CCSER1: variants seen among roughly 807,000 people sequenced by gnomAD.
CCSER1 encodes the protein serine-rich coiled-coil domain-containing protein 1.
Under a neutral mutation model 82.0 loss-of-function variants are expected in CCSER1, and 41 were observed. That is an observed-to-expected ratio of 0.50 (90% CI 0.39 to 0.65). The LOEUF is 0.65. Ranked by LOEUF, CCSER1 falls within the 30% of genes least tolerant of loss-of-function variation. The pLI is 0.00. For synonymous variants in CCSER1, 414 were observed against 383.9 expected (o/e 1.08, Z -0.92); for missense variants, 1,119 against 1,064.2 (o/e 1.05, Z -0.72).
intron 10 of CCSER1, among the ~76,000 whole-genome samples, chr4:91,213,731 A>G (rs1737020647): frequency 6.6e-6 from 1 of 152,316 alleles, no homozygotes; most frequent in Admixed American, 6.5e-5. Context: ...CATTGTAGCA[A>G]TAGACACGGG....
intron 8 of CCSER1, among the ~76,000 whole-genome samples, chr4:90,907,918 C>G (rs1204764750): frequency 6.6e-6 from 1 of 152,078 alleles, no homozygotes; most frequent in Admixed American, 6.6e-5. Context: ...GCAAATGTGT[C>G]TGCAAATGTC....
intron 10 of CCSER1, among the ~76,000 whole-genome samples, chr4:91,502,621 G>C (rs1759270758): frequency 6.6e-6 from 1 of 152,154 alleles, no homozygotes; most frequent in Admixed American, 6.5e-5. Flanking sequence ...GGTCTCATTT[G>C]CCAATTATTC....
chr4:90,218,414 A>T (rs1244014170), intron 1 of CCSER1, among the ~76,000 whole-genome samples: 6 of 152,190 alleles, frequency 3.9e-5, no homozygotes, highest in Non-Finnish European at 8.8e-5. Context: ...CCAGCATCAC[A>T]CGGTGTTTAC....
chr4:90,831,474 CA>C (rs1469665343), intron 8 of CCSER1, among the ~76,000 whole-genome samples: 1 of 152,082 alleles, frequency 6.6e-6, no homozygotes, highest in African/African-American at 2.4e-5. Context: ...TTTGTTTTAG[CA>C]AACATTGATA....
intron 10 of CCSER1, among the ~76,000 whole-genome samples, chr4:91,475,316 T>C (rs1331188812): frequency 2.0e-5 from 3 of 151,824 alleles, no homozygotes; most frequent in African/African-American, 7.2e-5. Flanking sequence ...GGATAGTAAA[T>C]AAGAAATGCT....
At chr4:91,218,322 C>G (rs189453250) in intron 10 of CCSER1, among the ~76,000 whole-genome samples, 1 of 152,304 alleles carries the variant, frequency 6.6e-6, no homozygotes, top group East Asian at 1.9e-4. Context: ...AAGGGCCGCA[C>G]GCAGCCCCGG....
chr4:90,903,056 C>T (rs1289292565), intron 8 of CCSER1, among the ~76,000 whole-genome samples: 1 of 152,098 alleles, frequency 6.6e-6, no homozygotes, highest in Non-Finnish European at 1.5e-5. Context: ...TGGCTGCTAC[C>T]ACCGCACATT....
intron 1 of CCSER1, among the ~76,000 whole-genome samples, chr4:90,199,014 C>T (rs1224066263): frequency 6.6e-6 from 1 of 152,092 alleles, no homozygotes; most frequent in Non-Finnish European, 1.5e-5. Flanking sequence ...TCACTAATCT[C>T]CTTACCTGTC....
chr4:91,116,459 A>G (rs992163123), intron 10 of CCSER1, among the ~76,000 whole-genome samples: 3 of 152,214 alleles, frequency 2.0e-5, no homozygotes, highest in African/African-American at 7.2e-5. Context: ...TAGGTAATTT[A>G]CTAGCTCTTG....
chr4:91,254,557 G>A (rs1337945832), intron 10 of CCSER1, among the ~76,000 whole-genome samples: 2 of 152,016 alleles, frequency 1.3e-5, no homozygotes, highest in Non-Finnish European at 2.9e-5. Flanking sequence ...GGAAAAGAGG[G>A]AGTTGTTCTT....
At chr4:91,153,430 T>G (rs1730462881) in intron 10 of CCSER1, among the ~76,000 whole-genome samples, 1 of 151,944 alleles carries the variant, frequency 6.6e-6, no homozygotes, top group African/African-American at 2.4e-5. Context: ...TTCAATGTTT[T>G]TAGCTTCTTT....
At chr4:91,574,000 A>C (rs1000751753) in intron 10 of CCSER1, among the ~76,000 whole-genome samples, 8 of 152,156 alleles carry the variant, frequency 5.3e-5, no homozygotes, top group Admixed American at 1.3e-4. Context: ...CATTGATGAG[A>C]GAAATCGAGG....
chr4:91,293,729 T>G (rs1029188368), intron 10 of CCSER1, among the ~76,000 whole-genome samples: 2 of 151,988 alleles, frequency 1.3e-5, no homozygotes, highest in African/African-American at 2.4e-5. Context: ...TTTTTTTAAC[T>G]TTTATTTATT....
At chr4:90,612,338 T>C (rs1210302246) in intron 5 of CCSER1, among the ~76,000 whole-genome samples, 1 of 152,152 alleles carries the variant, frequency 6.6e-6, no homozygotes, top group Non-Finnish European at 1.5e-5. Context: ...GACAGGGTAT[T>C]TGGAGAACGG....
chr4:91,432,885 G>C (rs1754412399), intron 10 of CCSER1, among the ~76,000 whole-genome samples: 1 of 152,000 alleles, frequency 6.6e-6, no homozygotes, highest in African/African-American at 2.4e-5. Context: ...TTTTGGAAAG[G>C]CTTCTCCCAC....
chr4:90,167,296 A>G (rs1043120470), intron 1 of CCSER1, among the ~76,000 whole-genome samples: 3 of 152,080 alleles, frequency 2.0e-5, no homozygotes, highest in African/African-American at 4.8e-5. Flanking sequence ...GTTAATTTTA[A>G]GGATACTACT....
intron 1 of CCSER1, among the ~76,000 whole-genome samples, chr4:90,258,247 G>A (rs570564333): frequency 2.0e-5 from 3 of 152,188 alleles, no homozygotes; most frequent in Non-Finnish European, 4.4e-5. Context: ...GGGCACGGTG[G>A]CTCATGCCTG....
chr4:90,839,974 A>T (rs1762365993), intron 8 of CCSER1, among the ~76,000 whole-genome samples: 1 of 152,072 alleles, frequency 6.6e-6, no homozygotes. Context: ...ATTGTAATAA[A>T]TTAATATAAT....
intron 10 of CCSER1, among the ~76,000 whole-genome samples, chr4:91,381,201 T>C (rs1030789689): frequency 6.6e-6 from 1 of 152,320 alleles, no homozygotes; most frequent in Non-Finnish European, 1.5e-5. Context: ...ATTTCAACTT[T>C]GGTGAATCTG....
Sources: gnomAD v4.1 joint callset for allele counts (sites outside exome capture counted in the v4.1 genomes callset) on GRCh38, gnomAD v4.1.1 for gene constraint, MANE v1.5 for transcripts, NCBI Gene and HGNC (gene_info 2026-07-23, HGNC 2026-07-21) for gene names.